Variants in HERC3 observed in about 807,000 individuals in gnomAD.
The protein encoded by HERC3 is probable E3 ubiquitin-protein ligase HERC3.
A neutral mutation model predicts 129.9 loss-of-function variants in HERC3; 58 were observed. The ratio of observed to expected loss-of-function variants is 0.45; its 90% CI spans 0.36 to 0.56. The LOEUF is 0.56. HERC3 is among the 20% of genes least tolerant of loss of function. The pLI is 0.00. For synonymous variants in HERC3, 430 were observed against 451.0 expected (o/e 0.95, Z 0.59); for missense variants, 835 against 1,244.2 (o/e 0.67, Z 4.95).
chr4:88,604,973 A>G (rs780477351), intron 2 of HERC3, among the ~76,000 whole-genome samples: 1 of 152,236 alleles, frequency 6.6e-6, no homozygotes, highest in Non-Finnish European at 1.5e-5. Context: ...AAAGGGAAAC[A>G]TGAATTGTTA....
the HERC3 span, among the ~76,000 whole-genome samples, chr4:88,573,156 C>T: frequency 6.6e-6 from 1 of 152,158 alleles, no homozygotes; most frequent in Non-Finnish European, 1.5e-5. Context: ...GAAAGAGAAA[C>T]AGCTGGGTTT....
At chr4:88,572,822 T>A in the HERC3 span, among the ~76,000 whole-genome samples, 2,725 of 148,820 alleles carry the variant, frequency 0.018, 85 homozygotes, top group African/African-American at 0.064. Flanking sequence ...AAAAAAATAA[T>A]AATAATAATA....
intron 21 of HERC3, among the ~76,000 whole-genome samples, chr4:88,686,404 C>T (rs554193953): frequency 2.8e-4 from 42 of 152,284 alleles, no homozygotes; most frequent in African/African-American, 9.4e-4. Context: ...ACCATCTCCT[C>T]ATTTATATGT....
At position 88,686,793 on chromosome 4, in the gene HERC3, C is replaced by G; in HGVS notation, c.2565C>G (p.Leu855=). The G allele has an allele frequency of 6.2e-7, 1 of 1,609,196 alleles. No individual in the cohort carries two copies. The highest frequency in any genetic ancestry group is 1.1e-5 in the South Asian group (1 of 90,922). Residue 855 remains leucine, a synonymous_variant, in exon 22 of 26, where the codon CTC becomes CTG. Transcript: ENST00000402738. ...AGGATGTGGAGGAGACTTTCTGCCT[C>G]AACTTCACGGTAAGAATTTCCACAG... ...PGEDVEETFC[L]NFTICRESYG... is the part of the protein sequence containing the mutation.
chr4:88,688,606 G>A (rs1009898579), intron 23 of HERC3, among the ~76,000 whole-genome samples: 1 of 152,142 alleles, frequency 6.6e-6, no homozygotes, highest in Non-Finnish European at 1.5e-5. Context: ...CTATAAAGCA[G>A]GTTCAAGGGA....
rs747334811 is a variant in HERC3 at position 88,656,029 on chromosome 4, C to T, written c.1063C>T (p.Arg355Ter). The change falls in exon 9 of 26, where the codon CGA becomes TGA. Residue 355 changes from arginine (R) to a stop codon, truncating the protein, a stop_gained. Coordinates refer to ENST00000402738, the MANE Select transcript of HERC3 (RefSeq NM_014606.3). LOFTEE classifies it high-confidence loss of function. ...WAAHSGQLSARADRFKYHIVK... is the reference protein window; with the variant it reads ...WAAHSGQLSA Reference sequence around the variant, plus strand: ...TGCCCACAGTGGCCAGCTTTCAGCCCGAGCTGGTAAGAATGATTGTCTCTG... The same window carrying T: ...TGCCCACAGTGGCCAGCTTTCAGCCTGAGCTGGTAAGAATGATTGTCTCTG... The T allele has an allele frequency of 9.9e-6, 16 of 1,613,720 alleles. No homozygotes were observed. The highest frequency in any genetic ancestry group is 1.4e-5 in the Non-Finnish European group (16 of 1,179,776).
chr4:88,528,656 G>A, the HERC3 span, among the ~76,000 whole-genome samples: 3 of 152,140 alleles, frequency 2.0e-5, no homozygotes, highest in African/African-American at 7.2e-5. Context: ...AAGAGTGGTG[G>A]CTATAGGAAT....
In HERC3 at chr4:88,667,898, AAC is replaced by A. The variant is rs753625870; in HGVS notation, c.1452_1453del (p.Asn484LysfsTer3). The A allele has an allele frequency of 1.2e-6, 2 of 1,609,156 alleles. No homozygotes were observed. The highest frequency in any genetic ancestry group is 1.7e-6 in the Non-Finnish European group (2 of 1,177,154). On this transcript the variant is annotated frameshift_variant, in exon 14 of 26. Coordinates refer to ENST00000402738, the MANE Select transcript of HERC3 (RefSeq NM_014606.3). LOFTEE classifies it high-confidence loss of function. ...QHSMILEQIL[N>X]SFESCLIPQL... ...ACTCTTTTCCCTCATACAGATTTTG[AAC>A]AGTTTTGAAAGTTGTCTGATTCCCC...
chr4:88,640,111 G>A (rs1406079304), intron 3 of HERC3, among the ~76,000 whole-genome samples: 2 of 152,098 alleles, frequency 1.3e-5, no homozygotes, highest in Non-Finnish European at 2.9e-5. Context: ...AAATAGAAAC[G>A]CTTTTACACT....
At chr4:88,654,952 A>G (rs979072654) in intron 7 of HERC3, among the ~76,000 whole-genome samples, 4 of 152,316 alleles carry the variant, frequency 2.6e-5, no homozygotes, top group Non-Finnish European at 4.4e-5. Context: ...GAAGGCACAC[A>G]TTCCTTTGAG....
chr4:88,528,942 GTAAA>G, the HERC3 span, among the ~76,000 whole-genome samples: 1 of 152,024 alleles, frequency 6.6e-6, no homozygotes, highest in Non-Finnish European at 1.5e-5. Flanking sequence ...TATCAAAATA[GTAAA>G]TATTTTAAAA....
intron 23 of HERC3, chr4:88,693,478 C>T (rs1176070737): frequency 3.1e-6 from 3 of 971,294 alleles, no homozygotes; most frequent in Non-Finnish European, 3.7e-6. Context: ...GGCTACTTTA[C>T]ATAGTCTACA....
chr4:88,664,077 C>G, intron 11 of HERC3, 76 bp from the exon 12 acceptor site: 1 of 1,270,154 alleles, frequency 7.9e-7, no homozygotes, highest in Non-Finnish European at 1.1e-6. Flanking sequence ...TAGATGGTTA[C>G]TTTATTATTG....
the HERC3 span, among the ~76,000 whole-genome samples, chr4:88,564,031 C>T: frequency 6.6e-6 from 1 of 152,152 alleles, no homozygotes; most frequent in African/African-American, 2.4e-5. Context: ...GCTTTTTCTA[C>T]ATCAATTGAA....
chr4:88,646,878 A>G (rs1728745674), intron 3 of HERC3, among the ~76,000 whole-genome samples: 1 of 152,160 alleles, frequency 6.6e-6, no homozygotes, highest in South Asian at 2.1e-4. Flanking sequence ...CTCCATCAAC[A>G]TTTGCATTGC....
In HERC3 at chr4:88,652,899, G is replaced by C; in HGVS notation, c.494G>C (p.Ser165Thr). 6.2e-7 allele frequency: 1 copy of C among 1,613,264 alleles called. No homozygotes were observed. The highest frequency in any genetic ancestry group is 8.5e-7 in the Non-Finnish European group (1 of 1,179,762). The change falls in exon 6 of 26, where the codon AGC (serine) becomes ACC (threonine). Residue 165 changes from serine (S) to threonine (T), a missense_variant. Transcript: ENST00000402738. ...DGQFFTWGKN[S>T]HGQLGLGKEF... The stretch of plus-strand genomic sequence containing the variant: ...CAGTTCTTCACCTGGGGAAAGAACA[G>C]CCATGGGCAGCTTGGCTTAGGGAAG...
chr4:88,696,727 A>G (rs190726060), intron 23 of HERC3: 26 of 154,296 alleles, frequency 1.7e-4, no homozygotes, highest in South Asian at 8.2e-4. Context: ...TACAAAAGCA[A>G]AGTCTCAAAG....
At chr4:88,665,453 C>T (rs796812898) in intron 12 of HERC3, among the ~76,000 whole-genome samples, 20 of 152,298 alleles carry the variant, frequency 1.3e-4, no homozygotes, top group African/African-American at 4.6e-4. Flanking sequence ...AGAAGGATGT[C>T]CTAGTTCCAG....
At chr4:88,684,508 A>G (rs1195722757) in intron 21 of HERC3, among the ~76,000 whole-genome samples, 2 of 152,134 alleles carry the variant, frequency 1.3e-5, no homozygotes, top group African/African-American at 4.8e-5. Context: ...CCAAAACCCT[A>G]GAAGAAAAAC....
Sources: gnomAD v4.1 joint callset for allele counts (sites outside exome capture counted in the v4.1 genomes callset) on GRCh38, gnomAD v4.1.1 for gene constraint, MANE v1.5 for transcripts, NCBI Gene and HGNC (gene_info 2026-07-23, HGNC 2026-07-21) for gene names.